EPB41L3: variants seen among roughly 807,000 people sequenced by gnomAD.
EPB41L3 encodes band 4.1-like protein 3.
Under a neutral mutation model 127.1 loss-of-function variants are expected in EPB41L3, and 57 were observed. The observed-to-expected ratio is 0.45, with a 90% CI of 0.36 to 0.56. EPB41L3 has a LOEUF of 0.56. EPB41L3 is among the 20% of genes least tolerant of loss of function. The probability of loss-of-function intolerance (pLI) is 0.00; values close to 1 mark genes in which losing one functional copy is unlikely to be tolerated. For missense variants in EPB41L3, 1,273 were observed against 1,372.2 expected, an observed-to-expected ratio of 0.93 and a Z score of 1.14; for synonymous variants, 572 against 549.5, an observed-to-expected ratio of 1.04 and a Z score of -0.57.
At chr18:5,469,514 G>C (rs903808074) in intron 3 of EPB41L3, among the ~76,000 whole-genome samples, 2 of 152,126 alleles carry the variant, frequency 1.3e-5, no homozygotes, top group African/African-American at 4.8e-5. Context: ...CTCATGCACC[G>C]ATCATCACTC....
intron 16 of EPB41L3, chr18:5,398,963 T>A (rs2074051130): frequency 2.5e-6 from 1 of 399,034 alleles, no homozygotes; most frequent in African/African-American, 2.1e-5. Flanking sequence ...TCTGGACCTC[T>A]GGTCCTCTCT....
At chr18:5,447,149 A>G (rs750433168) in intron 3 of EPB41L3, among the ~76,000 whole-genome samples, 22 of 152,320 alleles carry the variant, frequency 1.4e-4, no homozygotes, top group Non-Finnish European at 2.4e-4. Flanking sequence ...CCTTGCAGCT[A>G]TGTAAAATGG....
At chr18:5,630,501 T>G (rs1427528652), upstream of EPB41L3, 6 of 518,362 alleles carry the variant, frequency 1.2e-5, no homozygotes, top group Non-Finnish European at 2.3e-5. Context: ...CACAGGTCCC[T>G]CCGCAGGGGC....
chr18:5,413,068 G>A (rs1157575810), intron 13 of EPB41L3, among the ~76,000 whole-genome samples: 1 of 152,002 alleles, frequency 6.6e-6, no homozygotes, highest in Non-Finnish European at 1.5e-5. Flanking sequence ...TATAGCAACT[G>A]GTATTTCTAT....
intron 1 of EPB41L3, among the ~76,000 whole-genome samples, chr18:5,504,475 G>A (rs1408523458): frequency 3.3e-5 from 5 of 152,088 alleles, no homozygotes; most frequent in Admixed American, 6.5e-5. Context: ...GAGTGGGACC[G>A]GCAGTGAGTC....
intron 1 of EPB41L3, among the ~76,000 whole-genome samples, chr18:5,541,996 C>G (rs1024280259): frequency 6.6e-6 from 1 of 152,326 alleles, no homozygotes; most frequent in East Asian, 1.9e-4. Context: ...AACCATAATG[C>G]AAATGAGACA....
At chr18:5,508,265 A>G (rs781600867) in intron 1 of EPB41L3, 4 of 152,138 alleles carry the variant, frequency 2.6e-5, no homozygotes, top group Non-Finnish European at 4.4e-5. Context: ...TTACTTTCCA[A>G]GCTGTGTTTT....
intron 2 of EPB41L3, chr18:5,479,520 A>C (rs1246896942): frequency 1.3e-5 from 2 of 152,154 alleles, no homozygotes; most frequent in African/African-American, 4.8e-5. Context: ...GGGTATATTT[A>C]TTTTGGGTTT....
chr18:5,567,050 C>T (rs553019373), intron 3 of EPB41L3: 8 of 152,346 alleles, frequency 5.3e-5, no homozygotes, highest in Admixed American at 3.9e-4. Context: ...AAGTGATCTG[C>T]TGGCCTTGGC....
At chr18:5,484,086 CAAAAAAAAAA>C (rs57231548) in intron 2 of EPB41L3, among the ~76,000 whole-genome samples, 2,149 of 18,324 alleles carry the variant, frequency 0.12, 116 homozygotes, top group East Asian at 0.38. Context: ...CAAACAAACT[CAAAAAAAAAA>C]AAAAAAAAAA....
intron 1 of EPB41L3, among the ~76,000 whole-genome samples, chr18:5,512,650 G>A (rs955280722): frequency 3.3e-5 from 5 of 152,144 alleles, no homozygotes; most frequent in African/African-American, 7.2e-5. Context: ...TGAGGAATGC[G>A]TTTTGATGAC....
intron 5 of EPB41L3, among the ~76,000 whole-genome samples, 187 bp downstream of exon 5, chr18:5,443,651 G>T (rs1345862052): frequency 2.0e-5 from 3 of 152,192 alleles, no homozygotes; most frequent in African/African-American, 7.2e-5. Flanking sequence ...AACAGGCCAA[G>T]CATCACGGTC....
At chr18:5,473,127 A>G (rs981305157) in intron 3 of EPB41L3, among the ~76,000 whole-genome samples, 3 of 152,056 alleles carry the variant, frequency 2.0e-5, no homozygotes, top group Non-Finnish European at 4.4e-5. Flanking sequence ...AATTGCTCTC[A>G]TTGATTTGCC....
At chr18:5,567,917 T>C (rs920831507) in intron 3 of EPB41L3, among the ~76,000 whole-genome samples, 1 of 152,184 alleles carries the variant, frequency 6.6e-6, no homozygotes, top group Non-Finnish European at 1.5e-5. Flanking sequence ...GAGAATATTA[T>C]AGTCACATAG....
intron 3 of EPB41L3, among the ~76,000 whole-genome samples, chr18:5,453,890 G>A (rs916635557): frequency 1.3e-5 from 2 of 152,152 alleles, no homozygotes; most frequent in African/African-American, 4.8e-5. Flanking sequence ...CTAACAAAAT[G>A]TCATCTTTTT....
intron 22 of EPB41L3, 114 bp from the exon 23 acceptor site, chr18:5,393,592 C>T (rs1242443006): frequency 3.1e-6 from 2 of 637,218 alleles, no homozygotes; most frequent in African/African-American, 1.8e-5. Context: ...GGACAAGATG[C>T]CATGACATTC....
chr18:5,536,689 A>G (rs1408658745), intron 1 of EPB41L3, among the ~76,000 whole-genome samples: 1 of 151,426 alleles, frequency 6.6e-6, no homozygotes, highest in African/African-American at 2.4e-5. Flanking sequence ...GCGGTTGCCT[A>G]TAATCCCAGC....
intron 22 of EPB41L3, chr18:5,394,094 A>T (rs1042443377): frequency 2.0e-5 from 3 of 152,946 alleles, no homozygotes; most frequent in African/African-American, 4.8e-5. Flanking sequence ...GAGAAAAATC[A>T]TCCCAAAGAA....
chr18:5,436,403 CTTTTTT>C (rs34862547), intron 6 of EPB41L3, among the ~76,000 whole-genome samples: 2 of 100,646 alleles, frequency 2.0e-5, no homozygotes, highest in East Asian at 3.6e-4. Context: ...CATTTTCTTT[CTTTTTT>C]TTTTTTTTTT....
Sources: gnomAD v4.1 joint callset for allele counts (sites outside exome capture counted in the v4.1 genomes callset) on GRCh38, gnomAD v4.1.1 for gene constraint, MANE v1.5 for transcripts, NCBI Gene and HGNC (gene_info 2026-07-23, HGNC 2026-07-21) for gene names.